The following SSH2 variants were observed in gnomAD, a reference collection of about 807,000 sequenced individuals.
The protein encoded by SSH2 is slingshot protein phosphatase 2, also known as protein phosphatase Slingshot homolog 2.
In SSH2, 37 loss-of-function variants were observed where a neutral mutation model predicts 135.2. That is an observed-to-expected ratio of 0.27 (90% CI 0.21 to 0.36). SSH2 has a LOEUF of 0.36. Ranked by LOEUF, SSH2 falls within the 10% of genes least tolerant of loss-of-function variation. SSH2 has a pLI of 1.00. For missense variants in SSH2, 1,408 were observed against 1,765.3 expected (o/e 0.80, Z 3.63); for synonymous variants, 628 against 646.2 (o/e 0.97, Z 0.43).
At chr17:29,862,194 C>A (rs976092550) in intron 1 of SSH2, among the ~76,000 whole-genome samples, 1 of 152,150 alleles carries the variant, frequency 6.6e-6, no homozygotes, top group Non-Finnish European at 1.5e-5. Flanking sequence ...AAATTTAAAT[C>A]AGGATAAATT....
chr17:29,778,659 T>A (rs111546284), intron 3 of SSH2, among the ~76,000 whole-genome samples: 4,697 of 83,826 alleles, frequency 0.056, 245 homozygotes, highest in African/African-American at 0.17. Flanking sequence ...AATAAATAAA[T>A]AAAAATAAAT....
intron 3 of SSH2, among the ~76,000 whole-genome samples, chr17:29,749,430 C>T (rs115180068): frequency 2.6e-5 from 4 of 152,166 alleles, no homozygotes; most frequent in African/African-American, 7.2e-5. Context: ...AAAACCTGTA[C>T]AGCATGTTAC....
rs1017468499 is a variant in SSH2, at chr17:29,898,810, G to A, written c.63+31128C>T. 1.1e-4 allele frequency among the ~76,000 whole-genome samples: 17 copies of A among 152,094 alleles called. No homozygotes were observed. In the East Asian group the frequency reaches 2.5e-3, roughly 22 times the overall value. ...CCAGCATCATCCTGATACCAAAGCCGGGCAGAGACACAACAAAAAAAGAGA... is the reference window on the plus strand; with the variant it reads ...CCAGCATCATCCTGATACCAAAGCCAGGCAGAGACACAACAAAAAAAGAGA... On this transcript the variant is annotated intron_variant, in intron 1 of 15. Transcript: ENST00000540801.
intron 11 of SSH2, among the ~76,000 whole-genome samples, chr17:29,664,982 TA>T (rs1200282202): frequency 3.9e-5 from 6 of 152,130 alleles, no homozygotes; most frequent in Admixed American, 3.9e-4. Context: ...TTTTACGTGT[TA>T]AAAGTCAAGC....
chr17:29,891,716 T>C (rs1260370318), intron 1 of SSH2, among the ~76,000 whole-genome samples: 3 of 151,840 alleles, frequency 2.0e-5, no homozygotes, highest in Non-Finnish European at 2.9e-5. Context: ...AAAAGAAACA[T>C]AATTAGCTAA....
chr17:29,627,503 TG>T lies in SSH2; in HGVS notation c.*3337del, dbSNP rs978600382. 1 of 152,328 alleles carries T rather than the reference TG, an allele frequency of 6.6e-6. No individual in the cohort carries two copies. The highest frequency in any genetic ancestry group is 1.5e-5 in the Non-Finnish European group (1 of 68,032). 9.4% of individuals were successfully genotyped at this position (152,328 alleles called of 1,614,324 possible). The stretch of plus-strand genomic sequence containing the variant: ...GATCTTCAGGCTGTCCTTGGAGCTC[TG>T]GGTAGTTTGCAAAATGAGAAAGAGG... On this transcript the variant is annotated 3_prime_UTR_variant, in exon 16 of 16. Coordinates refer to ENST00000540801, the MANE Select transcript of SSH2 (RefSeq NM_001282129.2).
intron 1 of SSH2, among the ~76,000 whole-genome samples, chr17:29,909,367 AT>A (rs2066723597): frequency 2.6e-5 from 4 of 152,078 alleles, no homozygotes; most frequent in Admixed American, 2.6e-4. Flanking sequence ...ACCTAGTTCT[AT>A]AACCACGGTA....
chr17:29,903,626 C>T (rs2066601080), intron 1 of SSH2, among the ~76,000 whole-genome samples: 1 of 152,086 alleles, frequency 6.6e-6, no homozygotes. Context: ...GCCATCTGCC[C>T]CAGTGCTATG....
At chr17:29,658,878 A>C (rs961880623) in intron 11 of SSH2, among the ~76,000 whole-genome samples, 6 of 151,122 alleles carry the variant, frequency 4.0e-5, no homozygotes, top group Non-Finnish European at 8.9e-5. Context: ...AAAAAAAAAA[A>C]AAAAAAAAAA....
chr17:29,767,340 A>G (rs1445769049), intron 3 of SSH2, among the ~76,000 whole-genome samples: 1 of 150,948 alleles, frequency 6.6e-6, no homozygotes, highest in Non-Finnish European at 1.5e-5. Flanking sequence ...TTAACCATTT[A>G]GTCCCCACTT....
chr17:29,749,685 A>C (rs2040868639), intron 3 of SSH2, among the ~76,000 whole-genome samples: 1 of 152,084 alleles, frequency 6.6e-6, no homozygotes, highest in African/African-American at 2.4e-5. Flanking sequence ...CTTTATAAAC[A>C]CCATACACTT....
intron 12 of SSH2, among the ~76,000 whole-genome samples, chr17:29,653,867 C>T (rs1808923): frequency 0.46 from 70,008 of 152,054 alleles, 16,793 homozygotes; most frequent in East Asian, 0.68. Context: ...GGATTACAGG[C>T]GTGAGCTACT....
At chr17:29,753,853 G>A (rs1035036207) in intron 3 of SSH2, among the ~76,000 whole-genome samples, 9 of 150,848 alleles carry the variant, frequency 6.0e-5, no homozygotes, top group Admixed American at 1.3e-4. Flanking sequence ...TTGGCTATAT[G>A]TATCAAATTT....
chr17:29,717,545 T>C (rs1272229841), intron 3 of SSH2, among the ~76,000 whole-genome samples: 3 of 152,228 alleles, frequency 2.0e-5, no homozygotes, highest in East Asian at 3.8e-4. Context: ...GTGGCTGCCA[T>C]TTTAGACATG....
At chr17:29,702,080 C>A (rs889612693) in intron 4 of SSH2, among the ~76,000 whole-genome samples, 1 of 151,746 alleles carries the variant, frequency 6.6e-6, no homozygotes, top group Non-Finnish European at 1.5e-5. Flanking sequence ...GGGCTGGGTG[C>A]GGGGACTCAC....
intron 3 of SSH2, among the ~76,000 whole-genome samples, chr17:29,731,868 G>A (rs1011856690): frequency 6.6e-6 from 1 of 152,080 alleles, no homozygotes; most frequent in Admixed American, 6.5e-5. Flanking sequence ...TTCATTCATT[G>A]GATCCTTGCT....
intron 2 of SSH2, among the ~76,000 whole-genome samples, chr17:29,804,807 G>A (rs538431712): frequency 1.4e-5 from 2 of 145,464 alleles, no homozygotes; most frequent in Non-Finnish European, 3.0e-5. Flanking sequence ...GAGTTCACAA[G>A]TAGCCAGGAC....
intron 2 of SSH2, among the ~76,000 whole-genome samples, chr17:29,824,809 A>C (rs540952458): frequency 5.1e-4 from 77 of 152,310 alleles, no homozygotes; most frequent in Middle Eastern, 3.4e-3. Context: ...TGCCTGCCCC[A>C]TCAATTCCTC....
At chr17:29,701,359 G>A (rs1004367680) in intron 4 of SSH2, among the ~76,000 whole-genome samples, 7 of 150,878 alleles carry the variant, frequency 4.6e-5, no homozygotes, top group East Asian at 2.0e-4. Context: ...CACCTGCCTC[G>A]GCCTCCCGAG....
Sources: gnomAD v4.1 joint callset for allele counts (sites outside exome capture counted in the v4.1 genomes callset) on GRCh38, gnomAD v4.1.1 for gene constraint, MANE v1.5 for transcripts, NCBI Gene and HGNC (gene_info 2026-07-23, HGNC 2026-07-21) for gene names.